The following WWTR1 variants were observed in gnomAD, a reference collection of about 807,000 sequenced individuals.
WWTR1 encodes WW domain containing transcription regulator 1, also known as WW domain-containing transcription regulator protein 1.
A neutral mutation model predicts 40.1 loss-of-function variants in WWTR1; 13 were observed. That is an observed-to-expected ratio of 0.32 (90% CI 0.21 to 0.52). WWTR1 has a LOEUF of 0.52. Ranked by LOEUF, WWTR1 falls within the 20% of genes least tolerant of loss-of-function variation. The pLI is 0.97. For missense variants in WWTR1, 436 were observed against 523.1 expected, an observed-to-expected ratio of 0.83 and a Z score of 1.63; for synonymous variants, 230 against 210.1, an observed-to-expected ratio of 1.09 and a Z score of -0.82.
chr3:149,706,376 T>C (rs1576648009), upstream of WWTR1, among the ~76,000 whole-genome samples: 1 of 152,250 alleles, frequency 6.6e-6, no homozygotes, highest in African/African-American at 2.4e-5. Context: ...TGGAGTGCAA[T>C]GGCGTGATCT....
At chr3:149,693,591 C>T (rs1178645133) in intron 1 of WWTR1, among the ~76,000 whole-genome samples, 2 of 152,116 alleles carry the variant, frequency 1.3e-5, no homozygotes, top group African/African-American at 2.4e-5. Flanking sequence ...TATCACAGAG[C>T]TATAGTAACT....
In WWTR1 at chr3:149,718,032, C is replaced by T. The variant is rs781505492; in HGVS notation, n.460-466G>A. On this transcript the variant is annotated intron_variant and non_coding_transcript_variant, in intron 4 of 6. Coordinates refer to the WWTR1 transcript ENST00000474080. Reference sequence around the variant, plus strand: ...AAATAAGTGAACAAGGGAAATTATACAAAATTATATCCCTAAACAAATATA... The same window carrying T: ...AAATAAGTGAACAAGGGAAATTATATAAAATTATATCCCTAAACAAATATA... Among the ~76,000 whole-genome samples, 4 of 151,994 alleles carry T rather than the reference C, an allele frequency of 2.6e-5. 1 individual carries two copies. The highest frequency in any genetic ancestry group is 1.3e-4 in the Admixed American group (2 of 15,254).
intron 3 of WWTR1, among the ~76,000 whole-genome samples, chr3:149,570,602 T>TAATAATAATAAC (rs1201626174): frequency 6.5e-5 from 9 of 139,040 alleles, no homozygotes; most frequent in African/African-American, 1.9e-4. Flanking sequence ...ATAATAATAA[T>TAATAATAATAAC]AACAAAAATT....
intron 1 of WWTR1, among the ~76,000 whole-genome samples, chr3:149,672,989 TGAAAAA>T (rs1714145625): frequency 6.6e-6 from 1 of 152,010 alleles, no homozygotes; most frequent in Non-Finnish European, 1.5e-5. Flanking sequence ...ATCTACTTAA[TGAAAAA>T]GAAAAAGTAT....
chr3:149,600,474 G>A (rs1739193505), intron 2 of WWTR1, among the ~76,000 whole-genome samples: 1 of 152,170 alleles, frequency 6.6e-6, no homozygotes, highest in Admixed American at 6.5e-5. Flanking sequence ...GTCCCTCCAA[G>A]CACCTCAAGC....
chr3:149,557,872 G>A (rs1736900952), intron 3 of WWTR1, among the ~76,000 whole-genome samples: 1 of 151,830 alleles, frequency 6.6e-6, no homozygotes, highest in South Asian at 2.1e-4. Context: ...GCGTGGCGGT[G>A]TGTGCCTGTA....
intron 3 of WWTR1, among the ~76,000 whole-genome samples, chr3:149,545,877 A>G (rs552719397): frequency 1.4e-3 from 206 of 152,336 alleles, no homozygotes; most frequent in African/African-American, 4.8e-3. Context: ...GACTCAGGTG[A>G]CTTACTGACA....
chr3:149,629,450 C>T (rs969419231), intron 2 of WWTR1, among the ~76,000 whole-genome samples: 12 of 152,204 alleles, frequency 7.9e-5, no homozygotes, highest in African/African-American at 2.7e-4. Flanking sequence ...CTAACCCCAA[C>T]CAGGACTTGA....
intron 3 of WWTR1, among the ~76,000 whole-genome samples, chr3:149,548,180 C>T (rs1736454118): frequency 1.3e-5 from 2 of 152,148 alleles, no homozygotes; most frequent in Non-Finnish European, 2.9e-5. Flanking sequence ...GTCGCCCGGA[C>T]TCAATTCTAA....
chr3:149,636,455 T>C (rs1358312367), intron 2 of WWTR1, among the ~76,000 whole-genome samples: 1 of 152,228 alleles, frequency 6.6e-6, no homozygotes, highest in Non-Finnish European at 1.5e-5. Flanking sequence ...TAGATGAATA[T>C]ATTGAATTAA....
intron 5 of WWTR1, among the ~76,000 whole-genome samples, chr3:149,714,714 A>T (rs1164136079): frequency 6.6e-6 from 1 of 152,174 alleles, no homozygotes; most frequent in Non-Finnish European, 1.5e-5. Flanking sequence ...GGAAACTCCT[A>T]CCTTCAAGCC....
At chr3:149,601,241 A>G (rs542638138) in intron 2 of WWTR1, among the ~76,000 whole-genome samples, 2 of 152,038 alleles carry the variant, frequency 1.3e-5, no homozygotes, top group East Asian at 3.9e-4. Context: ...CCCAGGCTGG[A>G]GTGCAATGGA....
Position 149,656,989 on chromosome 3 carries a change from GGGGCTACCCGCA to G in WWTR1, c.306_317del (p.Gly104_Ala107del). ...GGCGGAGGTGCGCGTGCTGCTGCGC[GGGGCTACCCGCA>G]GCACCCGCGCCGGTGCCCAGCTGCA... is the stretch of plus-strand genomic sequence containing the variant. On this transcript the variant is annotated inframe_deletion, in exon 2 of 7. Transcript: ENST00000360632. 1 of 1,598,858 alleles carries G rather than the reference GGGGCTACCCGCA, an allele frequency of 6.3e-7. No individual in the cohort carries two copies. The highest frequency in any genetic ancestry group is 8.5e-7 in the Non-Finnish European group (1 of 1,176,828).
intron 4 of WWTR1, among the ~76,000 whole-genome samples, chr3:149,531,374 C>T (rs967100038): frequency 6.6e-6 from 1 of 152,176 alleles, no homozygotes; most frequent in African/African-American, 2.4e-5. Flanking sequence ...GTGAAGCTCA[C>T]GTGACCCCCT....
At chr3:149,677,255 T>G (rs1422509435) in intron 1 of WWTR1, among the ~76,000 whole-genome samples, 1 of 152,138 alleles carries the variant, frequency 6.6e-6, no homozygotes, top group Admixed American at 6.5e-5. Context: ...CTAGGCAACT[T>G]GATACTCCCC....
upstream of WWTR1, chr3:149,659,350 T>TTTTTTTTTTTTTGTG (rs1713462576): frequency 6.7e-6 from 1 of 148,488 alleles, no homozygotes. Context: ...TTTTTTTTTT[T>TTTTTTTTTTTTTGTG]GAGTGACGTC....
intron 2 of WWTR1, among the ~76,000 whole-genome samples, chr3:149,600,986 A>C (rs780325308): frequency 1.2e-4 from 19 of 152,014 alleles, no homozygotes; most frequent in South Asian, 4.2e-4. Flanking sequence ...ACTCCAAATG[A>C]CACTGCATGA....
At chr3:149,655,051 G>C (rs148860918) in intron 2 of WWTR1, among the ~76,000 whole-genome samples, 1 of 149,008 alleles carries the variant, frequency 6.7e-6, no homozygotes, top group Non-Finnish European at 1.5e-5. Context: ...GCGTGAACCC[G>C]GTAGGCGGAG....
rs3044118 is a variant in WWTR1, at chr3:149,557,061, C to CTTTTTTTTTTTTTTTTT, written c.569-14541_569-14525dup. Among the ~76,000 whole-genome samples, 13 of 64,374 alleles carry CTTTTTTTTTTTTTTTTT rather than the reference C, an allele frequency of 2.0e-4. 1 individual carries two copies. Among genetic ancestry groups the CTTTTTTTTTTTTTTTTT allele is most frequent in the Non-Finnish European group, 3.0e-4 (11 of 36,368 alleles). 42.2% of individuals were successfully genotyped at this position (64,374 alleles called of 152,430 possible). ...TCCTAGTGTTCCCTACTGGAATCTT[C>CTTTTTTTTTTTTTTTTT]TTTTTTTTTTTTTTTTTTTTTTTTT... On this transcript the variant is annotated intron_variant, in intron 3 of 6. Transcript: ENST00000360632.
Sources: gnomAD v4.1 joint callset for allele counts (sites outside exome capture counted in the v4.1 genomes callset) on GRCh38, gnomAD v4.1.1 for gene constraint, MANE v1.5 for transcripts, NCBI Gene and HGNC (gene_info 2026-07-23, HGNC 2026-07-21) for gene names.